CERS5: variants seen among roughly 807,000 people sequenced by gnomAD.
CERS5 encodes LAG1 homolog, ceramide synthase 5.
CERS5 carries 37 observed loss-of-function variants against 58.9 expected under a neutral mutation model. The ratio of observed to expected loss-of-function variants is 0.63; its 90% CI spans 0.48 to 0.83. The LOEUF (loss-of-function observed/expected upper bound fraction) is 0.83, where lower values mean the gene tolerates loss of function less well. Among genes scored for constraint, CERS5 ranks in the 40% least tolerant of loss-of-function variants. The pLI is 0.00. For synonymous variants in CERS5, 147 were observed against 177.8 expected (o/e 0.83, Z 1.38); for missense variants, 398 against 489.3 (o/e 0.81, Z 1.76).
chr12:50,148,946 A>ATATATATATATATATATG (rs1420401358), intron 1 of CERS5, among the ~76,000 whole-genome samples: 21 of 103,096 alleles, frequency 2.0e-4, no homozygotes, highest in South Asian at 6.6e-4. Flanking sequence ...ATATATATAT[A>ATATATATATATATATATG]TGTGTGTGTG....
chr12:50,131,045 C>T (rs981026263), intron 9 of CERS5, among the ~76,000 whole-genome samples: 2 of 152,186 alleles, frequency 1.3e-5, no homozygotes, highest in Non-Finnish European at 2.9e-5. Flanking sequence ...AAGGCCAACA[C>T]GAACAATACG....
At chr12:50,141,747 T>C (rs1429443003) in intron 4 of CERS5, among the ~76,000 whole-genome samples, 1 of 151,936 alleles carries the variant, frequency 6.6e-6, no homozygotes, top group Admixed American at 6.6e-5. Context: ...AAGACCAGCC[T>C]GGCCAACATG....
chr12:50,139,780 G>A (rs192339451), intron 4 of CERS5, among the ~76,000 whole-genome samples: 1 of 152,252 alleles, frequency 6.6e-6, no homozygotes, highest in African/African-American at 2.4e-5. Flanking sequence ...GAGACAGAGT[G>A]AGACTCTGTC....
At chr12:50,133,841 A>C (rs928449328) in intron 9 of CERS5, 36 of 804,712 alleles carry the variant, frequency 4.5e-5, no homozygotes, top group Non-Finnish European at 5.1e-5. Context: ...CGGGAGGCCA[A>C]GGTGGGCAGA....
intron 1 of CERS5, among the ~76,000 whole-genome samples, chr12:50,146,511 C>T (rs1952274892): frequency 6.6e-6 from 1 of 152,054 alleles, no homozygotes; most frequent in Non-Finnish European, 1.5e-5. Flanking sequence ...GTTCAGAGTT[C>T]GGTGAAAAGC....
Position 50,135,744 on chromosome 12 carries a change from A to C in CERS5, c.860T>G (p.Ile287Ser). The change falls in exon 8 of 10, where the codon ATC becomes AGC. Residue 287 changes from isoleucine (I) to serine (S), a missense_variant. Ile to Ser is a moderately radical substitution (Grantham distance 142). This residue lies in a region of CERS5 where 328 missense variants were observed against 384.5 expected (regional missense o/e 0.85). Coordinates refer to ENST00000317551, the MANE Select transcript of CERS5 (RefSeq NM_147190.5). ...SAVFMVTRLG[I>S]YPFWILNTTL... The stretch of plus-strand genomic sequence containing the variant: ...CCCTACCACTTACCAGAATGGATAG[A>C]TTCCTAGTCGTGTAACCATAAAAAC... The C allele has an allele frequency of 6.2e-7, 1 of 1,611,056 alleles. No homozygotes were observed. The highest frequency in any genetic ancestry group is 1.1e-5 in the South Asian group (1 of 91,026).
chr12:50,167,094 C>T lies in CERS5; in HGVS notation c.197+7G>A. ...GGCCCCCGAGCCGCTCGCTCCCGGG[C>T]TCTCACCGCTCGAAGAGCAGCCTCA... On this transcript the variant is annotated splice_region_variant and intron_variant, in intron 1 of 9. Transcript: ENST00000317551. 1 of 1,529,214 alleles carries T rather than the reference C, an allele frequency of 6.5e-7. No individual in the cohort carries two copies. The allele number at this position is 1,529,214 out of a possible 1,614,324, so 94.7% of individuals were successfully genotyped here. A position where few individuals can be genotyped will look rare whatever the true frequency, so the allele number is the denominator to read the frequency against.
At position 50,129,318 on chromosome 12, in the gene CERS5, C is replaced by T. The variant is rs1951186993; in HGVS notation, c.*1227G>A. On this transcript the variant is annotated 3_prime_UTR_variant, in exon 10 of 10. Transcript: ENST00000317551. ...TTATTATTTTTATTATTGTTTTATC[C>T]AATTGCATCTTTTGTCAGATTAGCT... The T allele has an allele frequency of 6.6e-6, 1 of 152,048 alleles. No homozygotes were observed. Among genetic ancestry groups the T allele is most frequent in the Admixed American group, 6.6e-5 (1 of 15,246 alleles). 9.4% of individuals were successfully genotyped at this position (152,048 alleles called of 1,614,324 possible).
intron 8 of CERS5, 29 bp from the exon 9 acceptor site, chr12:50,134,731 C>A: frequency 1.3e-6 from 2 of 1,599,010 alleles, no homozygotes; most frequent in Non-Finnish European, 1.7e-6. Context: ...TAGTCAGATT[C>A]TAGAGTCAAA....
chr12:50,153,468 C>T (rs201750751), intron 1 of CERS5, among the ~76,000 whole-genome samples: 6 of 151,158 alleles, frequency 4.0e-5, no homozygotes, highest in South Asian at 2.1e-4. Flanking sequence ...TTAGTAGAGA[C>T]GGGGTTTCAC....
At chr12:50,140,151 CCTCT>C (rs1951888631) in intron 4 of CERS5, among the ~76,000 whole-genome samples, 1 of 151,476 alleles carries the variant, frequency 6.6e-6, no homozygotes, top group African/African-American at 2.4e-5. Flanking sequence ...TATAAATTTC[CCTCT>C]AAGTATGTTT....
chr12:50,135,166 G>A (rs1402831483), intron 8 of CERS5, among the ~76,000 whole-genome samples: 1 of 92,782 alleles, frequency 1.1e-5, no homozygotes, highest in Non-Finnish European at 2.3e-5. Flanking sequence ...GAGAGAGAGG[G>A]GAGGGAGGGA....
intron 1 of CERS5, among the ~76,000 whole-genome samples, chr12:50,151,113 C>G (rs1565793083): frequency 6.6e-6 from 1 of 152,104 alleles, no homozygotes; most frequent in Non-Finnish European, 1.5e-5. Flanking sequence ...AAACAGCCCT[C>G]CCGGTCCCTA....
At position 50,142,059 on chromosome 12, in the gene CERS5, G is replaced by C; in HGVS notation, c.486C>G (p.Leu162=). ...AGAGAAAGTTAAGACTCACCGACCA[G>C]AGAAATCTAATTCCATAGCAGAATA... ...LCIFCYGIRF[L]WSSPWFWDIR... Residue 162 remains leucine (L), a synonymous_variant, in exon 4 of 10, where the codon CTC becomes CTG. Transcript: ENST00000317551. 6.3e-7 allele frequency: 1 copy of C among 1,596,308 alleles called. No individual in the cohort carries two copies. The highest frequency in any genetic ancestry group is 8.6e-7 in the Non-Finnish European group (1 of 1,164,280).
chr12:50,134,469 T>C, intron 9 of CERS5, 77 bp downstream of exon 9: 1 of 1,611,860 alleles, frequency 6.2e-7, no homozygotes, highest in Non-Finnish European at 8.5e-7. Flanking sequence ...GCTCACCAGG[T>C]TTGATGGAGA....
At position 50,129,345 on chromosome 12, in the gene CERS5, C is replaced by T. The variant is rs185092366; in HGVS notation, c.*1200G>A. 2.0e-5 allele frequency: 3 copies of T among 152,264 alleles called. No individual in the cohort carries two copies. Among genetic ancestry groups the T allele is most frequent in the Admixed American group, 6.5e-5 (1 of 15,286 alleles). 9.4% of individuals were successfully genotyped at this position (152,264 alleles called of 1,614,324 possible). A position where few individuals can be genotyped will look rare whatever the true frequency, so the allele number is the denominator to read the frequency against. The stretch of plus-strand genomic sequence containing the variant: ...ATTGCATCTTTTGTCAGATTAGCTA[C>T]ACCAACCAATCCAGTTTGTATTAAC... On this transcript the variant is annotated 3_prime_UTR_variant, in exon 10 of 10. Coordinates refer to ENST00000317551, the MANE Select transcript of CERS5 (RefSeq NM_147190.5).
intron 3 of CERS5, 52 bp downstream of exon 3, chr12:50,143,022 A>C (rs1952057301): frequency 1.3e-6 from 2 of 1,537,732 alleles, no homozygotes; most frequent in Admixed American, 1.9e-5. Flanking sequence ...ACTTCAGTCC[A>C]GTTGTATCCC....
At chr12:50,152,938 C>T (rs538933281) in intron 1 of CERS5, among the ~76,000 whole-genome samples, 6 of 152,014 alleles carry the variant, frequency 3.9e-5, no homozygotes, top group African/African-American at 7.2e-5. Flanking sequence ...GGCGTGGTGG[C>T]GGCCGCCTGT....
At chr12:50,133,874 C>T (rs992264071) in intron 9 of CERS5, 2 of 452,428 alleles carry the variant, frequency 4.4e-6, no homozygotes, top group Non-Finnish European at 2.9e-6. Context: ...GAGTTAGAGA[C>T]CAGCCTGGCC....
Sources: gnomAD v4.1 joint callset for allele counts (sites outside exome capture counted in the v4.1 genomes callset) on GRCh38, gnomAD v4.1.1 for gene constraint, gnomAD v4.1.1 regional missense constraint, MANE v1.5 for transcripts, NCBI Gene and HGNC (gene_info 2026-07-23, HGNC 2026-07-21) for gene names.